Variants in RCBTB1 observed in about 807,000 individuals in gnomAD.
The protein encoded by RCBTB1 is RCC1 and BTB domain containing protein 1.
RCBTB1 carries 46 observed loss-of-function variants against 62.4 expected under a neutral mutation model. The ratio of observed to expected loss-of-function variants is 0.74; its 90% CI spans 0.58 to 0.94. The LOEUF is 0.94. Among genes scored for constraint, RCBTB1 ranks in the 40% least tolerant of loss-of-function variants. The pLI is 0.00. For synonymous variants in RCBTB1, 222 were observed against 245.8 expected (o/e 0.90, Z 0.91); for missense variants, 565 against 654.9 (o/e 0.86, Z 1.50).
At chr13:49,568,718 C>A (rs1003615018) in intron 2 of RCBTB1, among the ~76,000 whole-genome samples, 1 of 152,024 alleles carries the variant, frequency 6.6e-6, no homozygotes, top group African/African-American at 2.4e-5. Flanking sequence ...ATCAGGAGGT[C>A]AAGAGATCGA....
intron 2 of RCBTB1, among the ~76,000 whole-genome samples, chr13:49,568,791 T>C (rs1963202607): frequency 6.6e-6 from 1 of 152,122 alleles, no homozygotes. Flanking sequence ...TAGCTGGGCA[T>C]GGTGGTGTGT....
In RCBTB1 at chr13:49,549,478, G is replaced by T. The variant is rs754407540; in HGVS notation, c.1025C>A (p.Ser342Ter). Residue 342 changes from serine to a stop codon, truncating the protein, a stop_gained, in exon 9 of 13, where the codon TCG (serine) becomes TAG (stop). Coordinates refer to ENST00000378302, the MANE Select transcript of RCBTB1 (RefSeq NM_018191.4). LOFTEE classifies it high-confidence loss of function. ...VFACFATPAV[S>*]WRLLSVEHED... ...CTTACCCACAGACAGGAGGCGCCAC[G>T]AGACGGCGGGAGTGGCAAAGCAGGC... 4.3e-6 allele frequency: 7 copies of T among 1,611,318 alleles called. No individual in the cohort carries two copies. The highest frequency in any genetic ancestry group is 5.9e-6 in the Non-Finnish European group (7 of 1,177,916).
chr13:49,548,754 A>G (rs1305652270), intron 9 of RCBTB1, among the ~76,000 whole-genome samples: 2 of 151,842 alleles, frequency 1.3e-5, no homozygotes, highest in African/African-American at 2.4e-5. Context: ...CGGCAAATCC[A>G]TAGAAACAAA....
At chr13:49,576,055 CG>C in intron 2 of RCBTB1, among the ~76,000 whole-genome samples, 1 of 151,534 alleles carries the variant, frequency 6.6e-6, no homozygotes, top group South Asian at 2.1e-4. Flanking sequence ...GGTGTGGTGG[CG>C]GGCACCAGTA....
Position 49,567,282 on chromosome 13 carries a change from C to A in RCBTB1, c.-3G>T. The A allele has an allele frequency of 6.2e-7, 1 of 1,613,854 alleles. No homozygotes were observed. Among genetic ancestry groups the A allele is most frequent in the Non-Finnish European group, 8.5e-7 (1 of 1,179,926 alleles). On this transcript the variant is annotated 5_prime_UTR_variant, in exon 3 of 13. Coordinates refer to ENST00000378302, the MANE Select transcript of RCBTB1 (RefSeq NM_018191.4). Reference sequence around the variant, plus strand: ...GGCCACTTTCCGACATCCACCATGACTCTGGCTTCAAGCAATTCCTATAAA... The same window carrying A: ...GGCCACTTTCCGACATCCACCATGAATCTGGCTTCAAGCAATTCCTATAAA...
At position 49,567,326 on chromosome 13, in the gene RCBTB1, G is replaced by T; in HGVS notation, c.-41-6C>A. Reference sequence around the variant, plus strand: ...CTATAAATAAGCCGACATCTCTGCTGGAACAGAAAGGATTCCAGAAAAAAA... The same window carrying T: ...CTATAAATAAGCCGACATCTCTGCTTGAACAGAAAGGATTCCAGAAAAAAA... On this transcript the variant is annotated splice_region_variant and splice_polypyrimidine_tract_variant and intron_variant, in intron 2 of 12. Transcript: ENST00000378302. 6.3e-7 allele frequency: 1 copy of T among 1,584,058 alleles called. No individual in the cohort carries two copies. Among genetic ancestry groups the T allele is most frequent in the Non-Finnish European group, 8.6e-7 (1 of 1,162,798 alleles).
chr13:49,535,197 C>T (rs1409323724), intron 12 of RCBTB1, among the ~76,000 whole-genome samples: 1 of 152,148 alleles, frequency 6.6e-6, no homozygotes, highest in Non-Finnish European at 1.5e-5. Flanking sequence ...TTCAGTCAAA[C>T]AGAAGTCACC....
chr13:49,571,996 G>A (rs1468272433), intron 2 of RCBTB1, among the ~76,000 whole-genome samples: 5 of 152,090 alleles, frequency 3.3e-5, no homozygotes, highest in African/African-American at 4.8e-5. Context: ...TAAAATCTAC[G>A]TCAGACTTAA....
intron 1 of RCBTB1, among the ~76,000 whole-genome samples, chr13:49,585,231 C>T (rs1295025283): frequency 6.6e-6 from 1 of 152,204 alleles, no homozygotes; most frequent in Non-Finnish European, 1.5e-5. Flanking sequence ...CGCAGGAGAG[C>T]ACATTAGCTG....
At chr13:49,565,804 C>T (rs1355233627) in intron 4 of RCBTB1, among the ~76,000 whole-genome samples, 613 of 121,396 alleles carry the variant, frequency 5.0e-3, no homozygotes, top group African/African-American at 9.2e-3. Context: ...ATGACGATGG[C>T]GGTTTCGTCG....
chr13:49,570,900 C>T (rs1057309272), intron 2 of RCBTB1, among the ~76,000 whole-genome samples: 1 of 152,112 alleles, frequency 6.6e-6, no homozygotes, highest in East Asian at 1.9e-4. Context: ...ACAGCAGACC[C>T]CTCTAATTTT....
At chr13:49,565,081 A>G (rs1453358303) in intron 4 of RCBTB1, among the ~76,000 whole-genome samples, 1 of 151,956 alleles carries the variant, frequency 6.6e-6, no homozygotes, top group Non-Finnish European at 1.5e-5. Flanking sequence ...GCTGGACTGT[A>G]CTGCTGCCAT....
At chr13:49,583,325 G>A (rs1964212742) in intron 1 of RCBTB1, among the ~76,000 whole-genome samples, 1 of 152,090 alleles carries the variant, frequency 6.6e-6, no homozygotes, top group Non-Finnish European at 1.5e-5. Context: ...AGTCTTTAGA[G>A]GTACCCATCT....
intron 1 of RCBTB1, among the ~76,000 whole-genome samples, chr13:49,584,432 T>C (rs1594370861): frequency 6.6e-6 from 1 of 152,210 alleles, no homozygotes; most frequent in African/African-American, 2.4e-5. Flanking sequence ...AGAATCCAAA[T>C]ATACAGTTAC....
intron 12 of RCBTB1, among the ~76,000 whole-genome samples, chr13:49,536,275 A>G (rs1288049174): frequency 6.6e-6 from 1 of 152,186 alleles, no homozygotes; most frequent in Non-Finnish European, 1.5e-5. Context: ...ACCTTGGTTG[A>G]GGCAGATCTA....
chr13:49,552,091 G>T, intron 7 of RCBTB1, 87 bp downstream of exon 7: 1 of 828,728 alleles, frequency 1.2e-6, no homozygotes, highest in South Asian at 1.4e-5. Context: ...AGAAAAGACT[G>T]ACTGAAGAGT....
At chr13:49,570,330 A>T (rs1195075876) in intron 2 of RCBTB1, among the ~76,000 whole-genome samples, 1 of 152,208 alleles carries the variant, frequency 6.6e-6, no homozygotes, top group Non-Finnish European at 1.5e-5. Flanking sequence ...CACTGACTTC[A>T]CCCAGTGCTA....
rs567126304 is a variant in RCBTB1, at chr13:49,575,804, G to C, written c.-42+4701C>G. ...TATTGGATACTATGCTCACTACCTG[G>C]GTGACGGAATTATTCGTACTCCAAA... On this transcript the variant is annotated intron_variant, in intron 2 of 12. Coordinates refer to ENST00000378302, the MANE Select transcript of RCBTB1 (RefSeq NM_018191.4). Among the ~76,000 whole-genome samples the C allele has an allele frequency of 1.4e-4, 22 of 152,206 alleles. 1 individual carries two copies. The South Asian group carries it at 4.4e-3, about 30-fold the overall frequency.
chr13:49,575,026 T>G (rs893757123), intron 2 of RCBTB1, among the ~76,000 whole-genome samples: 1 of 152,142 alleles, frequency 6.6e-6, no homozygotes, highest in African/African-American at 2.4e-5. Flanking sequence ...GTCAAATTCA[T>G]GGAGACAAAG....
Sources: gnomAD v4.1 joint callset for allele counts (sites outside exome capture counted in the v4.1 genomes callset) on GRCh38, gnomAD v4.1.1 for gene constraint, MANE v1.5 for transcripts, NCBI Gene and HGNC (gene_info 2026-07-23, HGNC 2026-07-21) for gene names.